The following ANK2 variants were observed in gnomAD, a reference collection of about 807,000 sequenced individuals.
ANK2 encodes the protein ankyrin-2.
Under a neutral mutation model 360.5 loss-of-function variants are expected in ANK2, and 83 were observed. The observed-to-expected ratio is 0.23, with a 90% CI of 0.19 to 0.28. The LOEUF (loss-of-function observed/expected upper bound fraction) is 0.28. Among genes scored for constraint, ANK2 ranks in the 10% least tolerant of loss-of-function variants. The pLI, the probability that ANK2 is intolerant of heterozygous loss-of-function variation, is 1.00. For synonymous variants in ANK2, 1,740 were observed against 1,759.5 expected (o/e 0.99, Z 0.28); for missense variants, 4,201 against 4,795.7 (o/e 0.88, Z 3.66).
intron 2 of ANK2, among the ~76,000 whole-genome samples, chr4:113,020,898 A>C (rs576970189): frequency 2.6e-5 from 4 of 152,218 alleles, no homozygotes; most frequent in East Asian, 1.9e-4. Context: ...ATAGTGTAGC[A>C]GTCCATTTAG....
chr4:113,048,246 GTGTATATATATA>G (rs1462595185), upstream of ANK2, among the ~76,000 whole-genome samples: 82 of 54,606 alleles, frequency 1.5e-3, 3 homozygotes, highest in African/African-American at 5.8e-3. Flanking sequence ...ATCTACAAGT[GTGTATATATATA>G]TATATATATA....
the ANK2 span, among the ~76,000 whole-genome samples, chr4:112,789,160 AATT>A: frequency 2.6e-5 from 4 of 152,168 alleles, no homozygotes; most frequent in Non-Finnish European, 5.9e-5. Flanking sequence ...GCCCTTATAC[AATT>A]ATTATACTGT....
chr4:113,291,539 G>A (rs2067576088), intron 20 of ANK2, among the ~76,000 whole-genome samples: 1 of 152,204 alleles, frequency 6.6e-6, no homozygotes, highest in Non-Finnish European at 1.5e-5. Context: ...AAGAAATCAT[G>A]TAGCACCCAC....
chr4:113,179,283 A>G (rs1442064124), intron 2 of ANK2, among the ~76,000 whole-genome samples: 1 of 152,220 alleles, frequency 6.6e-6, no homozygotes, highest in East Asian at 1.9e-4. Flanking sequence ...AGAAACCAGG[A>G]CTTTCTGTAC....
chr4:112,718,759 T>C, the ANK2 span, among the ~76,000 whole-genome samples: 1 of 152,348 alleles, frequency 6.6e-6, no homozygotes, highest in East Asian at 1.9e-4. Context: ...TGCCTCAGCT[T>C]CCCAAGTGGC....
chr4:112,826,755 C>G, intron 1 of ANK2: 5 of 911,978 alleles, frequency 5.5e-6, no homozygotes, highest in Non-Finnish European at 7.0e-6. Context: ...ATCTTCTGTT[C>G]TAAAGCAAAT....
chr4:113,321,740 GA>G (rs909007203), intron 26 of ANK2, among the ~76,000 whole-genome samples: 5 of 150,152 alleles, frequency 3.3e-5, no homozygotes, highest in Non-Finnish European at 7.4e-5. Flanking sequence ...AAAATGTAAG[GA>G]AAAAAAAAGG....
chr4:113,049,863 A>T, intron 1 of ANK2, 51 bp downstream of exon 1: 2 of 1,593,574 alleles, frequency 1.3e-6, no homozygotes, highest in Non-Finnish European at 1.7e-6. Flanking sequence ...ATGTGTGTGC[A>T]TGTGTGAGTG....
intron 2 of ANK2, among the ~76,000 whole-genome samples, chr4:113,193,313 A>G (rs985917206): frequency 6.6e-6 from 1 of 152,252 alleles, no homozygotes; most frequent in Non-Finnish European, 1.5e-5. Flanking sequence ...TGTGGAGACC[A>G]GCCAAGGACA....
chr4:112,745,387 A>C, the ANK2 span, among the ~76,000 whole-genome samples: 1 of 152,230 alleles, frequency 6.6e-6, no homozygotes, highest in Admixed American at 6.5e-5. Context: ...TAATCACATC[A>C]AGGTAAATGG....
chr4:113,353,548 C>A lies in ANK2; in HGVS notation c.4930C>A (p.Leu1644Met), dbSNP rs373344024. 1.9e-6 allele frequency: 3 copies of A among 1,613,974 alleles called. No homozygotes were observed. In the African/African-American group the frequency reaches 4.0e-5, roughly 22 times the overall value. ...TGLVNYLTDD[L>M]NTCVPLPKEQ... ...GCTAGTGAACTACCTTACTGATGAT[C>A]TGAATACCTGTGTGCCTCTTCCCAA... Residue 1644 changes from leucine to methionine, a missense_variant, in exon 38 of 46, where the codon CTG becomes ATG. Transcript: ENST00000357077.
the ANK2 span, among the ~76,000 whole-genome samples, chr4:112,770,129 T>G: frequency 6.6e-6 from 1 of 152,188 alleles, no homozygotes; most frequent in African/African-American, 2.4e-5. Context: ...TACAATAGCC[T>G]TTGCACTCGT....
chr4:113,360,152 G>C (rs556561906), intron 38 of ANK2, among the ~76,000 whole-genome samples: 4 of 152,168 alleles, frequency 2.6e-5, no homozygotes, highest in Non-Finnish European at 5.9e-5. Context: ...AGTTAAACAT[G>C]AATGGGAAAA....
chr4:113,343,548 A>T (rs2153984824), intron 34 of ANK2, among the ~76,000 whole-genome samples: 1 of 152,324 alleles, frequency 6.6e-6, no homozygotes, highest in African/African-American at 2.4e-5. Flanking sequence ...CTCTCAAAAG[A>T]CCCAGCATCT....
At chr4:113,245,660 C>A (rs1011598842) in intron 9 of ANK2, among the ~76,000 whole-genome samples, 6 of 152,070 alleles carry the variant, frequency 3.9e-5, no homozygotes, top group African/African-American at 1.4e-4. Flanking sequence ...TGGGTCCCTC[C>A]CATGACACAT....
chr4:112,848,228 G>A lies in ANK2; in HGVS notation c.-40+29964G>A, dbSNP rs534280687. On this transcript the variant is annotated intron_variant, in intron 1 of 30. Coordinates refer to the ANK2 transcript ENST00000503271. The stretch of plus-strand genomic sequence containing the variant: ...CCACCTCCACCTCCTGGGTTCAAGC[G>A]ATTCACCTGTAGCTTCCACCTCCTG... Among the ~76,000 whole-genome samples, 19 of 152,200 alleles carry A rather than the reference G, an allele frequency of 1.2e-4. No homozygotes were observed. In the East Asian group the frequency reaches 1.7e-3, roughly 14 times the overall value.
At chr4:113,085,063 T>G (rs2083993143) in intron 1 of ANK2, among the ~76,000 whole-genome samples, 1 of 152,238 alleles carries the variant, frequency 6.6e-6, no homozygotes, top group African/African-American at 2.4e-5. Flanking sequence ...TTCTTTTCAT[T>G]ATCTGCAATG....
chr4:112,984,887 T>G (rs1427847832), intron 2 of ANK2, among the ~76,000 whole-genome samples: 2 of 152,216 alleles, frequency 1.3e-5, no homozygotes, highest in African/African-American at 4.8e-5. Context: ...ATGTAGTACA[T>G]GATAAACTGA....
At chr4:113,064,614 C>T (rs181844524) in intron 1 of ANK2, among the ~76,000 whole-genome samples, 3 of 152,314 alleles carry the variant, frequency 2.0e-5, no homozygotes, top group Non-Finnish European at 2.9e-5. Context: ...ACCACCCTTA[C>T]GTCAAGAAAG....
Sources: allele counts gnomAD v4.1 joint callset (sites outside exome capture counted in the v4.1 genomes callset), GRCh38; gene constraint gnomAD v4.1.1; transcripts MANE v1.5; gene names NCBI Gene and HGNC (gene_info 2026-07-23, HGNC 2026-07-21).